ITPK1: variants seen among roughly 807,000 people sequenced by gnomAD.
ITPK1 encodes inositol-tetrakisphosphate 1-kinase.
ITPK1 carries 21 observed loss-of-function variants against 45.3 expected under a neutral mutation model. The ratio of observed to expected loss-of-function variants is 0.46; its 90% CI spans 0.33 to 0.67. The LOEUF is 0.67. Ranked by LOEUF, ITPK1 falls within the 30% of genes least tolerant of loss-of-function variation. ITPK1 has a pLI of 0.02. For missense variants in ITPK1, 474 were observed against 573.5 expected (o/e 0.83, Z 1.77); for synonymous variants, 258 against 253.6 (o/e 1.02, Z -0.16).
chr14:92,951,789 G>T (rs1307362682), intron 9 of ITPK1, among the ~76,000 whole-genome samples, 157 bp downstream of exon 9: 3 of 152,178 alleles, frequency 2.0e-5, no homozygotes, highest in Admixed American at 2.0e-4. Flanking sequence ...GGAACAGGGG[G>T]CTCTGGAACC....
intron 2 of ITPK1, among the ~76,000 whole-genome samples, chr14:93,087,518 C>T (rs918080282): frequency 6.6e-6 from 1 of 152,190 alleles, no homozygotes; most frequent in African/African-American, 2.4e-5. Context: ...CAGTGAGACC[C>T]CCATCTCTGA....
intron 2 of ITPK1, among the ~76,000 whole-genome samples, chr14:93,103,353 A>G (rs973498864): frequency 1.3e-5 from 2 of 151,432 alleles, no homozygotes; most frequent in East Asian, 2.0e-4. Flanking sequence ...CGGGAGGCAG[A>G]GGTTGCAGTG....
At chr14:93,091,509 A>T (rs983529136) in intron 2 of ITPK1, among the ~76,000 whole-genome samples, 1 of 152,202 alleles carries the variant, frequency 6.6e-6, no homozygotes, top group Non-Finnish European at 1.5e-5. Flanking sequence ...TCAGACTCAA[A>T]TGCCAAGAGC....
At chr14:92,972,292 T>C (rs551524239) in intron 5 of ITPK1, among the ~76,000 whole-genome samples, 4 of 152,090 alleles carry the variant, frequency 2.6e-5, no homozygotes, top group African/African-American at 4.8e-5. Context: ...CACTGGGAGA[T>C]AGGGTCTTTA....
chr14:92,947,655 C>T (rs1392024993), intron 9 of ITPK1, among the ~76,000 whole-genome samples: 1 of 152,194 alleles, frequency 6.6e-6, no homozygotes, highest in Non-Finnish European at 1.5e-5. Context: ...GGAGATTCAT[C>T]TGAATTCTAG....
At chr14:92,952,799 C>G (rs1269035193) in intron 8 of ITPK1, among the ~76,000 whole-genome samples, 2 of 152,226 alleles carry the variant, frequency 1.3e-5, no homozygotes, top group African/African-American at 2.4e-5. Context: ...AAGCCAAAGT[C>G]ACTTGGGGAA....
intron 3 of ITPK1, among the ~76,000 whole-genome samples, chr14:93,027,761 C>T (rs1244657199): frequency 1.3e-5 from 2 of 152,168 alleles, no homozygotes; most frequent in South Asian, 2.1e-4. Flanking sequence ...CAACTGGTGC[C>T]CCCATTCCCA....
At chr14:93,015,424 C>T (rs925027685) in intron 4 of ITPK1, among the ~76,000 whole-genome samples, 3 of 152,224 alleles carry the variant, frequency 2.0e-5, no homozygotes, top group Non-Finnish European at 2.9e-5. Context: ...GTCTTGTTCC[C>T]CTCGAACCCC....
At position 93,079,052 on chromosome 14, in the gene ITPK1, G is replaced by A. The variant is rs1891339281; in HGVS notation, c.96-2433C>T. On this transcript the variant is annotated intron_variant, in intron 2 of 10. Coordinates refer to ENST00000267615, the MANE Select transcript of ITPK1 (RefSeq NM_014216.6). ...TGGCATCTGGGTTATCCCAGCGTGT[G>A]ACTCTCCTCTCTTTACTGAGGTCAA... is the stretch of plus-strand genomic sequence containing the variant. Among the ~76,000 whole-genome samples the A allele has an allele frequency of 1.3e-5, 2 of 152,174 alleles. 1 individual carries two copies. The highest frequency in any genetic ancestry group is 4.1e-4 in the South Asian group (2 of 4,822).
At chr14:92,992,282 A>G (rs1886825970) in intron 5 of ITPK1, among the ~76,000 whole-genome samples, 3 of 152,210 alleles carry the variant, frequency 2.0e-5, no homozygotes, top group African/African-American at 7.2e-5. Flanking sequence ...AAAGAGGCTG[A>G]TTCCCTTTCC....
chr14:92,983,507 A>G (rs1886328148), intron 5 of ITPK1, among the ~76,000 whole-genome samples: 1 of 152,236 alleles, frequency 6.6e-6, no homozygotes, highest in African/African-American at 2.4e-5. Flanking sequence ...AACAAGCCCA[A>G]CAACTCAACT....
At chr14:92,974,596 C>T (rs572104031) in intron 5 of ITPK1, among the ~76,000 whole-genome samples, 2 of 152,220 alleles carry the variant, frequency 1.3e-5, no homozygotes, top group African/African-American at 4.8e-5. Context: ...CCAAGGTGCA[C>T]AGTCTCAGGA....
intron 3 of ITPK1, chr14:93,071,289 C>G (rs1357350024): frequency 2.6e-5 from 4 of 152,418 alleles, no homozygotes; most frequent in African/African-American, 9.6e-5. Context: ...GTTCTGGGCC[C>G]CAGAGTCAGC....
intron 5 of ITPK1, among the ~76,000 whole-genome samples, chr14:92,988,319 C>T (rs1243421129): frequency 6.6e-6 from 1 of 152,194 alleles, no homozygotes; most frequent in Non-Finnish European, 1.5e-5. Context: ...GGTGGGGCCA[C>T]CAGCTGAGAC....
At chr14:93,109,565 C>T (rs1892662349) in intron 2 of ITPK1, among the ~76,000 whole-genome samples, 1 of 152,202 alleles carries the variant, frequency 6.6e-6, no homozygotes, top group Non-Finnish European at 1.5e-5. Flanking sequence ...AGAACAAACT[C>T]TTCTCAATCT....
In ITPK1 at chr14:93,115,206, C is replaced by A. The variant is rs574731497; in HGVS notation, c.-43G>T. On this transcript the variant is annotated 5_prime_UTR_variant, in exon 2 of 11. Transcript: ENST00000267615. ...GAGCCTGGGTCCGGAGGAAATCGCC[C>A]ACAGGCCGAGTCTGGCGGCCGGCGC... 33 of 1,443,794 alleles carry A rather than the reference C, an allele frequency of 2.3e-5. No individual in the cohort carries two copies. In the Admixed American group the frequency reaches 3.8e-4, roughly 17 times the overall value. 89.4% of individuals were successfully genotyped at this position (1,443,794 alleles called of 1,614,324 possible).
At chr14:93,077,452 G>C (rs1224962236) in intron 2 of ITPK1, among the ~76,000 whole-genome samples, 1 of 152,132 alleles carries the variant, frequency 6.6e-6, no homozygotes, top group African/African-American at 2.4e-5. Context: ...CAAGTAGCTG[G>C]GACTACAGGC....
intron 3 of ITPK1, among the ~76,000 whole-genome samples, chr14:93,073,724 C>T (rs1891111541): frequency 6.6e-6 from 1 of 152,174 alleles, no homozygotes; most frequent in Non-Finnish European, 1.5e-5. Flanking sequence ...CAGCAGAAAA[C>T]CATGGGCCAC....
intron 5 of ITPK1, among the ~76,000 whole-genome samples, chr14:92,986,324 C>T (rs774417089): frequency 6.6e-6 from 1 of 152,168 alleles, no homozygotes; most frequent in Non-Finnish European, 1.5e-5. Flanking sequence ...TGCTTATATC[C>T]CAGGGGAGCC....
Sources: allele counts gnomAD v4.1 joint callset (sites outside exome capture counted in the v4.1 genomes callset), GRCh38; gene constraint gnomAD v4.1.1; transcripts MANE v1.5; gene names NCBI Gene and HGNC (gene_info 2026-07-23, HGNC 2026-07-21).